The following PHF11 variants were observed in gnomAD, a reference collection of about 807,000 sequenced individuals.
PHF11 encodes the protein BRCA1 C-terminus-associated protein.
PHF11 carries 38 observed loss-of-function variants against 40.5 expected under a neutral mutation model. The observed-to-expected ratio is 0.94, with a 90% CI of 0.72 to 1.23. The LOEUF is 1.23. Ranked by LOEUF, PHF11 falls within the 50% of genes most tolerant of loss-of-function variation. The pLI, the probability that PHF11 is intolerant of heterozygous loss-of-function variation, is 0.00. For missense variants in PHF11, 369 were observed against 392.4 expected, an observed-to-expected ratio of 0.94 and a Z score of 0.50; for synonymous variants, 127 against 138.2, an observed-to-expected ratio of 0.92 and a Z score of 0.57.
At chr13:49,515,588 G>T (rs542923577) in intron 3 of PHF11, among the ~76,000 whole-genome samples, 13 of 151,400 alleles carry the variant, frequency 8.6e-5, no homozygotes, top group African/African-American at 2.4e-4. Context: ...TCTTTTCCTC[G>T]TCAACCTCCC....
intron 9 of PHF11, 99 bp downstream of exon 9, chr13:49,526,557 G>A (rs1959290854): frequency 1.3e-6 from 1 of 753,406 alleles, no homozygotes; most frequent in Non-Finnish European, 2.3e-6. Flanking sequence ...TATTTTAGAA[G>A]AATGTTCATT....
intron 4 of PHF11, among the ~76,000 whole-genome samples, chr13:49,519,732 G>A (rs1471826944): frequency 6.6e-6 from 1 of 152,016 alleles, no homozygotes; most frequent in African/African-American, 2.4e-5. Flanking sequence ...GGGGACATGG[G>A]GGTTCATCCT....
chr13:49,522,244 C>G, intron 6 of PHF11, 137 bp downstream of exon 6: 1 of 527,246 alleles, frequency 1.9e-6, no homozygotes, highest in Non-Finnish European at 3.4e-6. Flanking sequence ...CATTTGTGTT[C>G]TCAGCTAAGG....
At position 49,496,109 on chromosome 13, in the gene PHF11, G is replaced by C; in HGVS notation, c.94+14G>C. 6.5e-6 allele frequency: 1 copy of C among 153,286 alleles called. No individual in the cohort carries two copies. The highest frequency in any genetic ancestry group is 7.9e-6 in the Non-Finnish European group (1 of 126,966). 9.5% of individuals were successfully genotyped at this position (153,286 alleles called of 1,614,324 possible). ...TCCTTCCCACCGGTGTGTACCGCGGGGGCGGGCGGGCGGGCGGGCGGGGCT... is the reference window on the plus strand; with the variant it reads ...TCCTTCCCACCGGTGTGTACCGCGGCGGCGGGCGGGCGGGCGGGCGGGGCT... On this transcript the variant is annotated intron_variant, in intron 1 of 9. Transcript: ENST00000378319.
intron 8 of PHF11, among the ~76,000 whole-genome samples, chr13:49,525,318 G>A (rs975735000): frequency 5.3e-5 from 8 of 152,186 alleles, no homozygotes; most frequent in Non-Finnish European, 1.2e-4. Context: ...CATGATCTCA[G>A]CTCATTGCAA....
intron 5 of PHF11, 100 bp downstream of exon 5, chr13:49,521,040 C>A: frequency 1.4e-6 from 2 of 1,428,750 alleles, no homozygotes; most frequent in South Asian, 1.5e-5. Flanking sequence ...AATTAAAATA[C>A]AAATGTTTGA....
intron 8 of PHF11, chr13:49,525,875 C>A (rs917907098): frequency 6.8e-6 from 3 of 440,576 alleles, no homozygotes; most frequent in Non-Finnish European, 1.4e-5. Flanking sequence ...AGTACAAATA[C>A]CAAGAATTGG....
rs1491587127 is a variant in PHF11 at position 49,501,017 on chromosome 13, G to GTTTTTTTTTTTTTTTTTTT, written c.94+4933_94+4934insTTTTTTTTTTTTTTTTTTT. Among the ~76,000 whole-genome samples, 5 of 108,826 alleles carry GTTTTTTTTTTTTTTTTTTT rather than the reference G, an allele frequency of 4.6e-5. 1 individual carries two copies. The highest frequency in any genetic ancestry group is 1.3e-4 in the African/African-American group (3 of 23,968). The allele number at this position is 108,826 out of a possible 152,430, so 71.4% of individuals were successfully genotyped here. A position where few individuals can be genotyped will look rare whatever the true frequency, so the allele number is the denominator to read the frequency against. Reference sequence around the variant, plus strand: ...CAACTTTTGTTTTTTTTTTTTTTTGGTTTTTTTTTTTCTGAAATGGAGTTT... The same window carrying GTTTTTTTTTTTTTTTTTTT: ...CAACTTTTGTTTTTTTTTTTTTTTGGTTTTTTTTTTTTTTTTTTTTTTTTTTTTTTCTGAAATGGAGTTT... On this transcript the variant is annotated intron_variant, in intron 1 of 9. Transcript: ENST00000378319.
At chr13:49,498,824 A>G (rs35624737) in intron 1 of PHF11, among the ~76,000 whole-genome samples, 75 of 152,350 alleles carry the variant, frequency 4.9e-4, no homozygotes, top group Non-Finnish European at 6.8e-4. Flanking sequence ...TTAAACACAC[A>G]TGGGCACACA....
chr13:49,524,947 C>A (rs746029015), intron 8 of PHF11, among the ~76,000 whole-genome samples: 48 of 152,106 alleles, frequency 3.2e-4, no homozygotes, highest in Non-Finnish European at 6.5e-4. Flanking sequence ...AGAGAATGTG[C>A]CATTCAGAGA....
At chr13:49,522,198 A>T in intron 6 of PHF11, 91 bp downstream of exon 6, 1 of 678,044 alleles carries the variant, frequency 1.5e-6, no homozygotes, top group Non-Finnish European at 2.6e-6. Context: ...GTACTTTCCA[A>T]ATCGTCCAAA....
intron 4 of PHF11, among the ~76,000 whole-genome samples, chr13:49,518,986 C>T (rs1463073392): frequency 1.3e-5 from 2 of 148,996 alleles, no homozygotes; most frequent in Admixed American, 6.7e-5. Flanking sequence ...CAGGCGCCCG[C>T]TACCACGCCC....
At chr13:49,520,835 T>C (rs1959184208) in intron 4 of PHF11, 59 bp from the exon 5 acceptor site, 1 of 1,195,934 alleles carries the variant, frequency 8.4e-7, no homozygotes. Flanking sequence ...AAAATAGACA[T>C]AATATTTGAA....
In PHF11 at chr13:49,523,309, T is replaced by C. The variant is rs977016080; in HGVS notation, c.637+68T>C. On this transcript the variant is annotated intron_variant, in intron 7 of 9. Transcript: ENST00000378319. The stretch of plus-strand genomic sequence containing the variant: ...CTTATAAAAATGTCAACCCACCTGT[T>C]TCAAACTTGGTATCCCGCCTAAATC... 4.8e-6 allele frequency: 5 copies of C among 1,042,312 alleles called. 1 individual carries two copies. The African/African-American group carries it at 8.0e-5, about 17-fold the overall frequency. The allele number at this position is 1,042,312 out of a possible 1,614,324, so 64.6% of individuals were successfully genotyped here. A position where few individuals can be genotyped will look rare whatever the true frequency, so the allele number is the denominator to read the frequency against.
At position 49,523,208 on chromosome 13, in the gene PHF11, A is replaced by G. The variant is rs763921888; in HGVS notation, c.604A>G (p.Arg202Gly). Residue 202 changes from arginine to glycine, a missense_variant, in exon 7 of 10, where the codon AGA becomes GGA. Coordinates refer to ENST00000378319, the MANE Select transcript of PHF11 (RefSeq NM_001040443.3). Reference protein sequence around the residue: ...PETMKCNTFIRQVKEEHGRHT... With the variant: ...PETMKCNTFIGQVKEEHGRHT... ...AACAATGAAATGTAATACATTCATA[A>G]GACAAGTGAAAGAAGAGCATGGCAG... 4 of 1,612,624 alleles carry G rather than the reference A, an allele frequency of 2.5e-6. No homozygotes were observed. In the East Asian group the frequency reaches 8.9e-5, roughly 36 times the overall value.
rs1200697917 is a variant in PHF11, at chr13:49,522,758, G to GTTTTTTTTTTT, written c.571-417_571-416insTTTTTTTTTTT. Reference sequence around the variant, plus strand: ...TGTTTACATCTAAATATGAATATGGGGTTTTTTTGTTTTTTTTTTTTTTTG... The same window carrying GTTTTTTTTTTT: ...TGTTTACATCTAAATATGAATATGGGTTTTTTTTTTTGTTTTTTTGTTTTTTTTTTTTTTTG... On this transcript the variant is annotated intron_variant, in intron 6 of 9. Coordinates refer to ENST00000378319, the MANE Select transcript of PHF11 (RefSeq NM_001040443.3). 8.4e-5 allele frequency among the ~76,000 whole-genome samples: 3 copies of GTTTTTTTTTTT among 35,818 alleles called. 1 individual carries two copies. The highest frequency in any genetic ancestry group is 7.6e-5 in the Non-Finnish European group (1 of 13,206). 23.5% of individuals were successfully genotyped at this position (35,818 alleles called of 152,430 possible).
chr13:49,526,489 T>G (rs748978081), intron 9 of PHF11, 31 bp downstream of exon 9: 1 of 1,125,268 alleles, frequency 8.9e-7, no homozygotes, highest in African/African-American at 1.6e-5. Context: ...CTGAGCAGCA[T>G]AGTTTTGAGA....
intron 2 of PHF11, among the ~76,000 whole-genome samples, chr13:49,508,185 A>C (rs796361066): frequency 7.5e-6 from 1 of 132,710 alleles, no homozygotes. Context: ...TTATTAATGC[A>C]GTATGTATTA....
chr13:49,496,193 G>A (rs2139018457), intron 1 of PHF11, 98 bp downstream of exon 1: 3 of 766,434 alleles, frequency 3.9e-6, no homozygotes, highest in Non-Finnish European at 5.3e-6. Flanking sequence ...ATGGGGGCCC[G>A]ACCTGCCCCT....
Sources: gnomAD v4.1 joint callset for allele counts (sites outside exome capture counted in the v4.1 genomes callset) on GRCh38, gnomAD v4.1.1 for gene constraint, MANE v1.5 for transcripts, NCBI Gene and HGNC (gene_info 2026-07-23, HGNC 2026-07-21) for gene names.